Variants in ZNF571 observed in about 807,000 individuals in gnomAD.
The protein encoded by ZNF571 is zinc finger protein 571.
In ZNF571, 4 loss-of-function variants were observed where a neutral mutation model predicts 7.7. That is an observed-to-expected ratio of 0.52 (90% CI 0.25 to 1.18). The LOEUF is 1.18. Among genes scored for constraint, ZNF571 ranks in the 50% most tolerant of loss-of-function variants. The pLI, the probability that ZNF571 is intolerant of heterozygous loss-of-function variation, is 0.14. For missense variants in ZNF571, 704 were observed against 726.9 expected (o/e 0.97, Z 0.36); for synonymous variants, 251 against 232.4 (o/e 1.08, Z -0.73).
chr19:37,587,665 G>A (rs2043722565), intron 1 of ZNF571, among the ~76,000 whole-genome samples: 1 of 151,168 alleles, frequency 6.6e-6, no homozygotes, highest in South Asian at 2.1e-4. Context: ...TGTTACTTGT[G>A]TGATACCAAG....
chr19:37,583,884 C>T, intron 3 of ZNF571, 87 bp downstream of exon 3: 1 of 1,402,144 alleles, frequency 7.1e-7, no homozygotes, highest in Non-Finnish European at 9.7e-7. Flanking sequence ...GTAAGCCTTT[C>T]CTTAGGGAAT....
At chr19:37,577,078 CTAAT>C (rs1225293071) in intron 3 of ZNF571, among the ~76,000 whole-genome samples, 1 of 152,060 alleles carries the variant, frequency 6.6e-6, no homozygotes, top group African/African-American at 2.4e-5. Context: ...GCTATATTTT[CTAAT>C]TAAAGAACAT....
intron 1 of ZNF571, among the ~76,000 whole-genome samples, chr19:37,590,558 T>A (rs1366165711): frequency 6.6e-6 from 1 of 152,214 alleles, no homozygotes; most frequent in African/African-American, 2.4e-5. Context: ...TAGTCCCCTG[T>A]GCTCAGAAAA....
chr19:37,580,325 T>C (rs1279436040), intron 3 of ZNF571, among the ~76,000 whole-genome samples: 1 of 152,230 alleles, frequency 6.6e-6, no homozygotes, highest in Non-Finnish European at 1.5e-5. Flanking sequence ...ATAGCTGCAG[T>C]CTTCACCATC....
At position 37,584,023 on chromosome 19, in the gene ZNF571, C is replaced by CCT. The variant is rs749855032; in HGVS notation, c.82_83dup (p.Asp29GlyfsTer7). 1 of 1,613,980 alleles carries CCT rather than the reference C, an allele frequency of 6.2e-7. No homozygotes were observed. The highest frequency in any genetic ancestry group is 8.5e-7 in the Non-Finnish European group (1 of 1,179,930). The stretch of plus-strand genomic sequence containing the variant: ...CCAACATCACATCCCTGTACAAGTC[C>CCT]CTCTGAGCAGGGTCCAGGCATTCCC... On this transcript the variant is annotated frameshift_variant, in exon 3 of 4. Transcript: ENST00000451802. LOFTEE classifies it high-confidence loss of function.
intron 3 of ZNF571, among the ~76,000 whole-genome samples, chr19:37,572,715 T>C (rs1036451191): frequency 3.3e-5 from 5 of 152,330 alleles, no homozygotes; most frequent in Admixed American, 3.3e-4. Flanking sequence ...TTAGAAGTAA[T>C]CTGTTGGCCT....
rs2042969323 is a variant in ZNF571, at chr19:37,569,093, C to CAGGTGTGCACCACCATGCCTGGCTCAT, written c.137-2829_137-2803dup. On this transcript the variant is annotated intron_variant, in intron 3 of 3. Transcript: ENST00000451802. This position sits in a 1 kb window ranked among gnomAD's most constrained non-coding sequence, Gnocchi z 4.4. ...TCAGCCTCCTGAGTAGCTGGGCTTA[C>CAGGTGTGCACCACCATGCCTGGCTCAT]AGGTGTGCACCACCATGCCTGGCTC... Among the ~76,000 whole-genome samples the CAGGTGTGCACCACCATGCCTGGCTCAT allele has an allele frequency of 2.6e-5, 4 of 152,206 alleles. No individual in the cohort carries two copies. Among genetic ancestry groups the CAGGTGTGCACCACCATGCCTGGCTCAT allele is most frequent in the African/African-American group, 9.6e-5 (4 of 41,508 alleles).
chr19:37,588,616 A>G (rs1222834454), intron 1 of ZNF571, among the ~76,000 whole-genome samples: 1 of 152,232 alleles, frequency 6.6e-6, no homozygotes, highest in Admixed American at 6.5e-5. Context: ...TATCCTGCTC[A>G]CTACCTGGGT....
At chr19:37,578,561 C>T (rs2043327957) in intron 3 of ZNF571, among the ~76,000 whole-genome samples, 2 of 152,220 alleles carry the variant, frequency 1.3e-5, no homozygotes, top group African/African-American at 4.8e-5. Flanking sequence ...GCTGCCATAA[C>T]CCCAGTGGAA....
intron 3 of ZNF571, among the ~76,000 whole-genome samples, chr19:37,568,120 T>G (rs949734456): frequency 6.6e-6 from 1 of 152,136 alleles, no homozygotes; most frequent in Non-Finnish European, 1.5e-5. Context: ...ACCTATCTGA[T>G]GTAACTGGAT....
At chr19:37,585,739 T>C (rs980849929) in intron 2 of ZNF571, 1 of 152,200 alleles carries the variant, frequency 6.6e-6, no homozygotes, top group East Asian at 1.9e-4. Flanking sequence ...ACAAAACCTA[T>C]GTATACCTTA....
chr19:37,568,337 T>C, intron 3 of ZNF571, among the ~76,000 whole-genome samples: 1 of 140,344 alleles, frequency 7.1e-6, no homozygotes, highest in Admixed American at 7.0e-5. Flanking sequence ...ACTTGCCATA[T>C]ACACACCACA....
At chr19:37,584,379 A>C (rs2043587035) in intron 2 of ZNF571, among the ~76,000 whole-genome samples, 1 of 152,246 alleles carries the variant, frequency 6.6e-6, no homozygotes, top group South Asian at 2.1e-4. Flanking sequence ...CGTTTTCTTC[A>C]CAACAGGTTT....
In ZNF571 at chr19:37,569,626, A is replaced by G. The variant is rs866209076; in HGVS notation, c.137-3335T>C. ...GCTTATAACCTACTAGGTTGTATTC[A>G]TAACCTCTAGCAGGTTCTGCCCGGC... On this transcript the variant is annotated intron_variant, in intron 3 of 3. Transcript: ENST00000451802. This position sits in a 1 kb window ranked among gnomAD's most constrained non-coding sequence, Gnocchi z 4.4. 1.2e-4 allele frequency among the ~76,000 whole-genome samples: 18 copies of G among 152,176 alleles called. No homozygotes were observed. Among genetic ancestry groups the G allele is most frequent in the Middle Eastern group, 3.2e-3 (1 of 316 alleles).
Position 37,564,985 on chromosome 19 carries a change from C to T in ZNF571, c.1443G>A (p.Lys481=). The stretch of plus-strand genomic sequence containing the variant: ...TAAGTTGTGTAGCACGTACAAAGGT[C>T]TTCCCACATTCCTTACATTCATAAT... ...EKHYECKECG[K]TFVRATQLTY... The change falls in exon 4 of 4, where the codon AAG becomes AAA. Residue 481 remains lysine, a synonymous_variant. Transcript: ENST00000451802. 6.2e-7 allele frequency: 1 copy of T among 1,613,658 alleles called. No homozygotes were observed. The highest frequency in any genetic ancestry group is 8.5e-7 in the Non-Finnish European group (1 of 1,179,854).
In ZNF571 at chr19:37,565,866, TTC is replaced by T. The variant is rs752685378; in HGVS notation, c.560_561del (p.Arg187AsnfsTer5). On this transcript the variant is annotated frameshift_variant, in exon 4 of 4. Transcript: ENST00000451802. LOFTEE classifies it low-confidence loss of function (END_TRUNC). ...TCATAAGGTTTCTCACCAGTCTGAA[TTC>T]TCTGATGTTGAATATAGCTTGGCTT... is the stretch of plus-strand genomic sequence containing the variant. ...SKKPSYIQHQ[R>X]IQTGEKPYEC... 1 of 1,613,814 alleles carries T rather than the reference TTC, an allele frequency of 6.2e-7. No homozygotes were observed.
chr19:37,568,324 C>CA (rs370359668), intron 3 of ZNF571, among the ~76,000 whole-genome samples: 1 of 150,726 alleles, frequency 6.6e-6, no homozygotes, highest in African/African-American at 2.4e-5. Context: ...ACTACCCCCC[C>CA]CCACTTGCCA....
At chr19:37,572,602 C>T (rs1404277357) in intron 3 of ZNF571, among the ~76,000 whole-genome samples, 4 of 152,150 alleles carry the variant, frequency 2.6e-5, no homozygotes, top group South Asian at 2.1e-4. Context: ...GGAATGTATA[C>T]GCCGCAGATA....
intron 1 of ZNF571, among the ~76,000 whole-genome samples, chr19:37,588,100 A>C (rs1440308090): frequency 1.7e-4 from 3 of 17,910 alleles, no homozygotes; most frequent in Non-Finnish European, 2.7e-4. Flanking sequence ...ACTCCATCTC[A>C]AAAAAAAAAA....
Sources: gnomAD v4.1 joint callset for allele counts (sites outside exome capture counted in the v4.1 genomes callset) on GRCh38, gnomAD v4.1.1 for gene constraint, Gnocchi (gnomAD v3.1) non-coding constraint, MANE v1.5 for transcripts, NCBI Gene and HGNC (gene_info 2026-07-23, HGNC 2026-07-21) for gene names.